Variants in PDCD2L observed in about 807,000 individuals in gnomAD.
PDCD2L encodes the protein programmed cell death 2 like.
Under a neutral mutation model 40.4 loss-of-function variants are expected in PDCD2L, and 44 were observed. The observed-to-expected ratio is 1.09, with a 90% CI of 0.86 to 1.40. PDCD2L has a LOEUF of 1.40. Ranked by LOEUF, PDCD2L falls within the 40% of genes most tolerant of loss-of-function variation. The probability of loss-of-function intolerance (pLI) is 0.00; values close to 1 mark genes in which losing one functional copy is unlikely to be tolerated. For synonymous variants in PDCD2L, 194 were observed against 174.6 expected (o/e 1.11, Z -0.88); for missense variants, 470 against 453.7 (o/e 1.04, Z -0.33).
At chr19:34,405,265 G>C (rs2075068947) in intron 3 of PDCD2L, among the ~76,000 whole-genome samples, 1 of 147,748 alleles carries the variant, frequency 6.8e-6, no homozygotes, top group Admixed American at 6.9e-5. Flanking sequence ...TCCTGCCTCA[G>C]CCTCCCTAGT....
At chr19:34,423,863 C>T (rs2075164278) in intron 6 of PDCD2L, among the ~76,000 whole-genome samples, 1 of 152,180 alleles carries the variant, frequency 6.6e-6, no homozygotes, top group Non-Finnish European at 1.5e-5. Context: ...TATCACCACT[C>T]TTAGAGTGAG....
chr19:34,413,812 G>T lies in PDCD2L; in HGVS notation c.762G>T (p.Met254Ile). 6.2e-7 allele frequency: 1 copy of T among 1,606,834 alleles called. No individual in the cohort carries two copies. The highest frequency in any genetic ancestry group is 8.5e-7 in the Non-Finnish European group (1 of 1,175,068). The change falls in exon 5 of 7, where the codon ATG becomes ATT. Residue 254 changes from methionine (M) to isoleucine (I), a missense_variant. Met to Ile is a conservative substitution (Grantham distance 10, BLOSUM62 1). Transcript: ENST00000246535. ...GAGATCAGACGTTTTACAAATTCAT[G>T]AAGCGAATTGCTGCTTGTCAGGAGC... ...KSGDQTFYKF[M>I]KRIAACQEQI...
In PDCD2L at chr19:34,409,482, A is replaced by G. The variant is rs1398044190; in HGVS notation, c.658A>G (p.Ile220Val). ...GAGGGACTATCAGCAGAGAGAAGGC[A>G]TTGCCATGGATCAGTTGCTTTCCCA... ...LLRDYQQREG[I>V]AMDQLLSQSL... The change falls in exon 4 of 7, where the codon ATT becomes GTT. Residue 220 changes from isoleucine to valine, a missense_variant. By Grantham distance (29) the Ile-to-Val change is conservative (BLOSUM62 3). Coordinates refer to ENST00000246535, the MANE Select transcript of PDCD2L (RefSeq NM_032346.2). The G allele has an allele frequency of 3.1e-6, 5 of 1,613,918 alleles. No individual in the cohort carries two copies. The highest frequency in any genetic ancestry group is 4.2e-6 in the Non-Finnish European group (5 of 1,180,014).
rs377733496 is a variant in PDCD2L, at chr19:34,421,625, C to T, written c.904C>T (p.Leu302Phe). 6 of 1,614,136 alleles carry T rather than the reference C, an allele frequency of 3.7e-6. No individual in the cohort carries two copies. Among genetic ancestry groups the T allele is most frequent in the Admixed American group, 3.3e-5 (2 of 60,012 alleles). ...CGGQRIFEFQLMPALVSMLKS... is the reference protein window; with the variant it reads ...CGGQRIFEFQFMPALVSMLKS... ...AGGCCAAAGGATATTTGAGTTTCAG[C>T]TTATGCCAGCACTGGTCAGCATGCT... Residue 302 changes from leucine to phenylalanine, a missense_variant, in exon 6 of 7, where the codon CTT (leucine) becomes TTT (phenylalanine). Coordinates refer to ENST00000246535, the MANE Select transcript of PDCD2L (RefSeq NM_032346.2).
chr19:34,415,499 G>A (rs2075123016), intron 5 of PDCD2L, among the ~76,000 whole-genome samples: 1 of 152,102 alleles, frequency 6.6e-6, no homozygotes, highest in South Asian at 2.1e-4. Context: ...TATCAGAAAG[G>A]CCTCAGAGGA....
In PDCD2L at chr19:34,406,582, AG is replaced by A. The variant is rs532458239; in HGVS notation, c.336+1595del. On this transcript the variant is annotated intron_variant, in intron 3 of 6. Coordinates refer to ENST00000246535, the MANE Select transcript of PDCD2L (RefSeq NM_032346.2). ...ATTTTTTTAAATTTTTAGTAGAGAC[AG>A]GGTTTCACCATGTTAGCCAGGATGG... Among the ~76,000 whole-genome samples, 299 of 151,822 alleles carry A rather than the reference AG, an allele frequency of 2.0e-3. 1 individual carries two copies. The highest frequency in any genetic ancestry group is 7.1e-3 in the African/African-American group (293 of 41,426).
intron 3 of PDCD2L, among the ~76,000 whole-genome samples, chr19:34,407,562 T>G (rs950911164): frequency 6.6e-6 from 1 of 152,194 alleles, no homozygotes; most frequent in Non-Finnish European, 1.5e-5. Context: ...AGCAAAATGT[T>G]CTCCAGTTCC....
intron 6 of PDCD2L, among the ~76,000 whole-genome samples, chr19:34,423,304 T>A (rs560765181): frequency 6.6e-6 from 1 of 151,744 alleles, no homozygotes; most frequent in East Asian, 1.9e-4. Flanking sequence ...TGCCTCAGCC[T>A]CCTGAGTAGC....
At chr19:34,413,700 A>G in intron 4 of PDCD2L, 37 bp from the exon 5 acceptor site, 1 of 1,206,380 alleles carries the variant, frequency 8.3e-7, no homozygotes, top group Non-Finnish European at 1.2e-6. Flanking sequence ...TTTTCTGGAT[A>G]TAGACATTCA....
At chr19:34,419,010 T>C (rs919830702) in intron 5 of PDCD2L, among the ~76,000 whole-genome samples, 1 of 152,222 alleles carries the variant, frequency 6.6e-6, no homozygotes, top group Non-Finnish European at 1.5e-5. Flanking sequence ...CAAGTCCTTT[T>C]TCAATTTAAT....
rs35413401 is a variant in PDCD2L at position 34,414,474 on chromosome 19, C to CTTT, written c.797+653_797+655dup. On this transcript the variant is annotated intron_variant, in intron 5 of 6. Transcript: ENST00000246535. ...TACAAGTGTGAGCCACCATGCCTGG[C>CTTT]TTTTTTTTTTTTTTTTTTTTTTTTT... Among the ~76,000 whole-genome samples, 33 of 39,792 alleles carry CTTT rather than the reference C, an allele frequency of 8.3e-4. 2 individuals carry two copies. Among genetic ancestry groups the CTTT allele is most frequent in the African/African-American group, 2.3e-3 (24 of 10,316 alleles). The allele number at this position is 39,792 out of a possible 152,430, so 26.1% of individuals were successfully genotyped here.
chr19:34,421,493 CG>C (rs1568361354), intron 5 of PDCD2L, 25 bp from the exon 6 acceptor site: 1 of 1,611,578 alleles, frequency 6.2e-7, no homozygotes, highest in African/African-American at 1.3e-5. Context: ...GGCTCTGATT[CG>C]GGGTTCTTTG....
rs550576164 is a variant in PDCD2L, at chr19:34,419,890, C to T, written c.798-1629C>T. On this transcript the variant is annotated intron_variant, in intron 5 of 6. Coordinates refer to ENST00000246535, the MANE Select transcript of PDCD2L (RefSeq NM_032346.2). ...CTCAGACTCCTGAGCTCAAGTGATC[C>T]TCCTGCCACACTCTCCAAAGTAGCT... Among the ~76,000 whole-genome samples, 13 of 144,210 alleles carry T rather than the reference C, an allele frequency of 9.0e-5. No homozygotes were observed. The East Asian group carries it at 2.6e-3, about 29-fold the overall frequency. The allele number at this position is 144,210 out of a possible 152,430, so 94.6% of individuals were successfully genotyped here. A position where few individuals can be genotyped will look rare whatever the true frequency, so the allele number is the denominator to read the frequency against.
intron 4 of PDCD2L, among the ~76,000 whole-genome samples, chr19:34,412,773 T>TC (rs1230744304): frequency 6.6e-6 from 1 of 151,820 alleles, no homozygotes; most frequent in Non-Finnish European, 1.5e-5. Flanking sequence ...TGACAGTTTT[T>TC]TTTTTTTTTT....
At chr19:34,425,893 A>T in intron 6 of PDCD2L, 97 bp from the exon 7 acceptor site, 1 of 1,264,612 alleles carries the variant, frequency 7.9e-7, no homozygotes, top group Admixed American at 2.2e-5. Flanking sequence ...TGCTTTACCT[A>T]ATTACTTTTT....
At position 34,426,117 on chromosome 19, in the gene PDCD2L, G is replaced by A. The variant is rs181264335; in HGVS notation, c.1074G>A (p.Lys358=). The A allele has an allele frequency of 1.3e-6, 2 of 1,554,102 alleles. No individual in the cohort carries two copies. Among genetic ancestry groups the A allele is most frequent in the Non-Finnish European group, 1.8e-6 (2 of 1,128,422 alleles). The change falls in exon 7 of 7, where the codon AAG becomes AAA. Residue 358 remains lysine, a synonymous_variant. Transcript: ENST00000246535. ...IQEDPDELLF[K] ...AAGACCCAGATGAATTATTGTTTAA[G>A]TAGAGCATTTCCTTTTATTAATATA... is the stretch of plus-strand genomic sequence containing the variant.
In PDCD2L at chr19:34,421,660, T is replaced by C; in HGVS notation, c.939T>C (p.Ala313=). ...CACTGGTCAGCATGCTCAAGAGTGC[T>C]AATTTAGGTGAGAAGCCCTTTATTA... is the stretch of plus-strand genomic sequence containing the variant. The part of the protein sequence containing the change: ...MPALVSMLKS[A]NLGLSVEFGT... The change falls in exon 6 of 7, where the codon GCT becomes GCC. Residue 313 remains alanine (A), a synonymous_variant. Coordinates refer to ENST00000246535, the MANE Select transcript of PDCD2L (RefSeq NM_032346.2). The C allele has an allele frequency of 3.1e-6, 5 of 1,609,592 alleles. No homozygotes were observed. Among genetic ancestry groups the C allele is most frequent in the Admixed American group, 1.7e-5 (1 of 59,438 alleles).
At chr19:34,408,161 A>G (rs554283010) in intron 3 of PDCD2L, among the ~76,000 whole-genome samples, 2 of 150,900 alleles carry the variant, frequency 1.3e-5, no homozygotes, top group East Asian at 3.9e-4. Context: ...GCCCACCTCA[A>G]CCTCCCAAAA....
At chr19:34,411,981 TATAAA>T (rs1331135558) in intron 4 of PDCD2L, among the ~76,000 whole-genome samples, 1 of 146,106 alleles carries the variant, frequency 6.8e-6, no homozygotes, top group Admixed American at 6.9e-5. Flanking sequence ...TATATATATA[TATAAA>T]ATAAATAATA....
Sources: allele counts gnomAD v4.1 joint callset (sites outside exome capture counted in the v4.1 genomes callset), GRCh38; gene constraint gnomAD v4.1.1; transcripts MANE v1.5; gene names NCBI Gene and HGNC (gene_info 2026-07-23, HGNC 2026-07-21).